The following TMEM45A variants were observed in gnomAD, a reference collection of about 807,000 sequenced individuals.
TMEM45A encodes DNA polymerase-transactivated protein 4.
A neutral mutation model predicts 32.0 loss-of-function variants in TMEM45A; 25 were observed. The observed-to-expected ratio is 0.78, with a 90% CI of 0.57 to 1.09. The LOEUF is 1.09. TMEM45A is among the 50% of genes least tolerant of loss of function. The pLI, the probability that TMEM45A is intolerant of heterozygous loss-of-function variation, is 0.00. For missense variants in TMEM45A, 302 were observed against 325.0 expected (o/e 0.93, Z 0.54); for synonymous variants, 122 against 114.8 (o/e 1.06, Z -0.40).
chr3:100,512,683 G>A (rs1708187036), intron 1 of TMEM45A, among the ~76,000 whole-genome samples: 1 of 150,636 alleles, frequency 6.6e-6, no homozygotes, highest in Admixed American at 6.6e-5. Context: ...AATGAATCCA[G>A]GAGCTGGTTT....
intron 1 of TMEM45A, among the ~76,000 whole-genome samples, chr3:100,498,881 A>C (rs1463759201): frequency 6.6e-6 from 1 of 152,144 alleles, no homozygotes; most frequent in Non-Finnish European, 1.5e-5. Context: ...TCTTACCAAC[A>C]CTTGTTATTT....
chr3:100,550,928 G>C (rs1222950554), intron 1 of TMEM45A, among the ~76,000 whole-genome samples: 1 of 152,068 alleles, frequency 6.6e-6, no homozygotes, highest in Non-Finnish European at 1.5e-5. Context: ...GGATGGGGGA[G>C]GAGGAAGAAT....
intron 4 of TMEM45A, among the ~76,000 whole-genome samples, chr3:100,559,555 A>AAT: frequency 6.6e-6 from 1 of 152,208 alleles, no homozygotes; most frequent in African/African-American, 2.4e-5. Flanking sequence ...CATAGAAAAA[A>AAT]GCTAACAAAT....
intron 1 of TMEM45A, among the ~76,000 whole-genome samples, chr3:100,521,915 C>T (rs1016480755): frequency 2.6e-5 from 4 of 152,148 alleles, no homozygotes; most frequent in African/African-American, 4.8e-5. Flanking sequence ...TATTTTTATA[C>T]GTTTGCTTGT....
chr3:100,523,159 G>A (rs1266709696), intron 1 of TMEM45A, among the ~76,000 whole-genome samples: 1 of 152,248 alleles, frequency 6.6e-6, no homozygotes. Context: ...CTTCTGCATC[G>A]CTTAGAACAT....
intron 1 of TMEM45A, among the ~76,000 whole-genome samples, chr3:100,534,537 AAAGGC>A (rs1238577268): frequency 1.3e-5 from 2 of 152,190 alleles, no homozygotes; most frequent in African/African-American, 4.8e-5. Flanking sequence ...AGAAGCTGGA[AAAGGC>A]AAGGAAAGGG....
At chr3:100,503,675 C>A (rs778256608) in intron 1 of TMEM45A, among the ~76,000 whole-genome samples, 10 of 152,290 alleles carry the variant, frequency 6.6e-5, no homozygotes, top group Non-Finnish European at 1.2e-4. Flanking sequence ...TGCTATGAAG[C>A]TTTTTCTTCA....
At chr3:100,575,463 C>T (rs1706664319) in intron 5 of TMEM45A, among the ~76,000 whole-genome samples, 3 of 151,160 alleles carry the variant, frequency 2.0e-5, no homozygotes, top group Admixed American at 2.0e-4. Context: ...ACCTCCACCG[C>T]CTGGACTCAG....
At position 100,549,370 on chromosome 3, in the gene TMEM45A, C is replaced by T. The variant is rs116563302; in HGVS notation, c.-3-5839C>T. 9.8e-3 allele frequency among the ~76,000 whole-genome samples: 1,492 copies of T among 152,326 alleles called. 18 individuals carry two copies. Among genetic ancestry groups the T allele is most frequent in the Non-Finnish European group, 0.015 (1,051 of 68,022 alleles). ...CAGAACACGATCTATTATGTTACTG[C>T]TGCTCTAACCATTCCCTTTGTCTTC... is the stretch of plus-strand genomic sequence containing the variant. On this transcript the variant is annotated intron_variant, in intron 1 of 5. Coordinates refer to ENST00000323523, the MANE Select transcript of TMEM45A (RefSeq NM_018004.3).
In TMEM45A at chr3:100,513,809, A is replaced by G. The variant is rs996296831; in HGVS notation, c.-4+20881A>G. ...GATACAAAATCAATGTGCAAAAATC[A>G]CAAGCATTCTTATACACCAATAACA... On this transcript the variant is annotated intron_variant, in intron 1 of 5. Coordinates refer to ENST00000323523, the MANE Select transcript of TMEM45A (RefSeq NM_018004.3). 8.8e-3 allele frequency among the ~76,000 whole-genome samples: 1,342 copies of G among 152,292 alleles called. 17 individuals carry two copies. Among genetic ancestry groups the G allele is most frequent in the Middle Eastern group, 0.014 (4 of 294 alleles).
intron 4 of TMEM45A, among the ~76,000 whole-genome samples, chr3:100,565,554 A>G (rs1370896669): frequency 6.6e-6 from 1 of 152,202 alleles, no homozygotes; most frequent in Non-Finnish European, 1.5e-5. Flanking sequence ...CGAGATAATA[A>G]GGATAATAAT....
intron 1 of TMEM45A, among the ~76,000 whole-genome samples, chr3:100,496,361 G>C (rs1216215811): frequency 6.6e-6 from 1 of 152,174 alleles, no homozygotes; most frequent in Non-Finnish European, 1.5e-5. Context: ...ACCTATTTGT[G>C]TCCTGTTTTT....
Position 100,558,456 on chromosome 3 carries a change from T to A in TMEM45A, c.455T>A (p.Val152Glu). Residue 152 changes from valine (V) to glutamate (E), a missense_variant, in exon 4 of 6, where the codon GTG becomes GAG. Val to Glu is a moderately radical substitution (Grantham distance 121). Coordinates refer to ENST00000323523, the MANE Select transcript of TMEM45A (RefSeq NM_018004.3). ...THGREMLDIF[V>E]HQLLVLVVFL... ...GGCCGGGAAATGCTGGACATCTTTG[T>A]GCACCAGCTGCTGGTTTTGGTCGTC... 1 of 1,614,110 alleles carries A rather than the reference T, an allele frequency of 6.2e-7. No homozygotes were observed. The highest frequency in any genetic ancestry group is 8.5e-7 in the Non-Finnish European group (1 of 1,180,026).
chr3:100,572,649 G>A (rs995938412), intron 5 of TMEM45A: 1 of 151,984 alleles, frequency 6.6e-6, no homozygotes, highest in African/African-American at 2.4e-5. Flanking sequence ...CATTGCTTTT[G>A]GTGTTTTCGA....
intron 1 of TMEM45A, among the ~76,000 whole-genome samples, chr3:100,496,010 A>G (rs996661836): frequency 6.6e-6 from 1 of 152,192 alleles, no homozygotes; most frequent in African/African-American, 2.4e-5. Context: ...TGTAATATGC[A>G]CTTAAGTGGA....
At chr3:100,551,010 CTTTTTTTTTTTTT>C in intron 1 of TMEM45A, among the ~76,000 whole-genome samples, 1 of 119,624 alleles carries the variant, frequency 8.4e-6, no homozygotes, top group African/African-American at 3.5e-5. Context: ...GGGTGAACTG[CTTTTTTTTTTTTT>C]TTTTTTTTGA....
rs1460956486 is a variant in TMEM45A, at chr3:100,562,235, A to G, written c.588+3646A>G. Among the ~76,000 whole-genome samples the G allele has an allele frequency of 4.0e-5, 6 of 151,874 alleles. No individual in the cohort carries two copies. In the East Asian group the frequency reaches 1.2e-3, roughly 29 times the overall value. ...TTGCAGATTGAGGTTTTTTTTTGGA[A>G]TTTTATATAAGGAAATAAATTAAGA... On this transcript the variant is annotated intron_variant, in intron 4 of 5. Coordinates refer to ENST00000323523, the MANE Select transcript of TMEM45A (RefSeq NM_018004.3).
At chr3:100,552,103 G>A (rs1706118176) in intron 1 of TMEM45A, among the ~76,000 whole-genome samples, 1 of 152,100 alleles carries the variant, frequency 6.6e-6, no homozygotes, top group African/African-American at 2.4e-5. Flanking sequence ...TAGGCAATAT[G>A]TTTGCTTGTA....
Position 100,574,441 on chromosome 3 carries a change from C to T in TMEM45A, c.735-2484C>T, listed in dbSNP as rs369303709. On this transcript the variant is annotated intron_variant, in intron 5 of 5. Coordinates refer to ENST00000323523, the MANE Select transcript of TMEM45A (RefSeq NM_018004.3). ...CCTCGACACATACATCCTCCCAAGA[C>T]TAAACCAGGAAGAAGTTGAATCTCT... 4.6e-5 allele frequency: 7 copies of T among 152,282 alleles called. No homozygotes were observed. The East Asian group carries it at 5.8e-4, about 13-fold the overall frequency. The allele number at this position is 152,282 out of a possible 1,614,324, so 9.4% of individuals were successfully genotyped here.
Sources: gnomAD v4.1 joint callset for allele counts (sites outside exome capture counted in the v4.1 genomes callset) on GRCh38, gnomAD v4.1.1 for gene constraint, MANE v1.5 for transcripts, NCBI Gene and HGNC (gene_info 2026-07-23, HGNC 2026-07-21) for gene names.